The following SHISA9 variants were observed in gnomAD, a reference collection of about 807,000 sequenced individuals.
SHISA9 encodes the protein protein shisa-9.
A neutral mutation model predicts 38.0 loss-of-function variants in SHISA9; 13 were observed. That is an observed-to-expected ratio of 0.34 (90% confidence interval 0.22 to 0.54). The LOEUF (loss-of-function observed/expected upper bound fraction) is 0.54, where lower values mean the gene tolerates loss of function less well. Ranked by LOEUF, SHISA9 falls within the 20% of genes least tolerant of loss-of-function variation. The probability of loss-of-function intolerance (pLI) is 0.91; values close to 1 mark genes in which losing one functional copy is unlikely to be tolerated. For missense variants in SHISA9, 538 were observed against 575.8 expected (o/e 0.93, Z 0.67); for synonymous variants, 275 against 242.0 (o/e 1.14, Z -1.27).
intron 2 of SHISA9, among the ~76,000 whole-genome samples, chr16:12,988,680 C>G (rs1392950868): frequency 6.6e-6 from 1 of 151,936 alleles, no homozygotes; most frequent in African/African-American, 2.4e-5. Context: ...GCCCCCCAAC[C>G]ATGCCCGACT....
At chr16:13,241,446 C>T (rs552476435), downstream of SHISA9, among the ~76,000 whole-genome samples, 2 of 152,064 alleles carry the variant, frequency 1.3e-5, no homozygotes, top group African/African-American at 2.4e-5. Flanking sequence ...GCGGAGGTTG[C>T]GGTGAGCCGA....
At chr16:13,490,209 G>C in the SHISA9 span, among the ~76,000 whole-genome samples, 1 of 152,168 alleles carries the variant, frequency 6.6e-6, no homozygotes, top group Non-Finnish European at 1.5e-5. Flanking sequence ...GCAGTTACGA[G>C]GGCATGGAAG....
chr16:13,435,206 A>G, the SHISA9 span, among the ~76,000 whole-genome samples: 1 of 151,294 alleles, frequency 6.6e-6, no homozygotes, highest in Non-Finnish European at 1.5e-5. Flanking sequence ...CTGAAAGGAT[A>G]GATGTACCCA....
intron 2 of SHISA9, among the ~76,000 whole-genome samples, chr16:12,989,012 G>T (rs993985873): frequency 2.6e-5 from 4 of 152,072 alleles, no homozygotes; most frequent in Non-Finnish European, 1.5e-5. Context: ...GTGTTTTGTA[G>T]ATGGAGCCAC....
the SHISA9 span, among the ~76,000 whole-genome samples, chr16:13,453,734 T>C: frequency 6.2e-4 from 94 of 152,324 alleles, no homozygotes; most frequent in Admixed American, 6.1e-3. Flanking sequence ...CTACTTTGTT[T>C]TATGCCCATT....
chr16:12,986,966 G>A (rs908222495), intron 2 of SHISA9, among the ~76,000 whole-genome samples: 8 of 152,210 alleles, frequency 5.3e-5, no homozygotes, highest in Admixed American at 5.2e-4. Flanking sequence ...TCACACCTGA[G>A]TGAAATGTAG....
At chr16:13,134,271 T>A (rs569033379) in intron 2 of SHISA9, among the ~76,000 whole-genome samples, 7 of 152,260 alleles carry the variant, frequency 4.6e-5, no homozygotes, top group African/African-American at 1.7e-4. Context: ...TAATTTAAAA[T>A]TAAATAAAAT....
rs565967790 is a variant in SHISA9, at chr16:13,205,160, A to G, written c.847+1611A>G. ...GGTCCACCCTGGAGATTTCAATTGA[A>G]CTGGTTGAGGATAAGATTCAGACAT... is the stretch of plus-strand genomic sequence containing the variant. On this transcript the variant is annotated intron_variant, in intron 3 of 4. Transcript: ENST00000558583. Among the ~76,000 whole-genome samples, 4 of 152,244 alleles carry G rather than the reference A, an allele frequency of 2.6e-5. No homozygotes were observed. The South Asian group carries it at 8.3e-4, about 32-fold the overall frequency.
the SHISA9 span, among the ~76,000 whole-genome samples, chr16:13,374,168 C>CTT: frequency 2.1e-4 from 30 of 144,406 alleles, no homozygotes; most frequent in South Asian, 6.0e-3. Flanking sequence ...ATTTTTTTTT[C>CTT]TTTTTTTTTT....
chr16:12,939,711 T>G (rs2071583810), intron 2 of SHISA9, among the ~76,000 whole-genome samples: 1 of 152,192 alleles, frequency 6.6e-6, no homozygotes, highest in African/African-American at 2.4e-5. Flanking sequence ...ATCACCTGCC[T>G]CTCCCTGTCT....
At chr16:13,546,744 A>G in the SHISA9 span, among the ~76,000 whole-genome samples, 3 of 152,178 alleles carry the variant, frequency 2.0e-5, no homozygotes, top group South Asian at 6.2e-4. Context: ...ATTGGCACAA[A>G]ACCATATTCA....
intron 2 of SHISA9, among the ~76,000 whole-genome samples, chr16:13,005,646 C>G (rs551055919): frequency 3.9e-5 from 6 of 152,286 alleles, no homozygotes; most frequent in Middle Eastern, 3.4e-3. Flanking sequence ...TCATCCCTGC[C>G]TCTATCACTC....
the SHISA9 span, among the ~76,000 whole-genome samples, chr16:13,390,607 G>T: frequency 1.5e-4 from 23 of 152,316 alleles, no homozygotes; most frequent in Admixed American, 1.2e-3. Context: ...GCTTAGGCTT[G>T]AAATCACCTC....
intron 2 of SHISA9, among the ~76,000 whole-genome samples, chr16:13,038,064 C>T (rs551152459): frequency 5.3e-5 from 8 of 152,196 alleles, no homozygotes; most frequent in Non-Finnish European, 1.0e-4. Flanking sequence ...GATCTCGGCT[C>T]ACTGCACCTC....
intron 2 of SHISA9, among the ~76,000 whole-genome samples, chr16:13,162,138 T>C (rs2050600422): frequency 1.3e-5 from 2 of 152,146 alleles, no homozygotes; most frequent in South Asian, 2.1e-4. Flanking sequence ...GTAGGTAATG[T>C]AAGACTTAGT....
chr16:13,261,881 C>T, the SHISA9 span, among the ~76,000 whole-genome samples: 1 of 152,100 alleles, frequency 6.6e-6, no homozygotes, highest in Non-Finnish European at 1.5e-5. Flanking sequence ...ATATGAGTAT[C>T]CTCAGGAGTC....
chr16:13,490,014 T>C, the SHISA9 span, among the ~76,000 whole-genome samples: 1 of 151,996 alleles, frequency 6.6e-6, no homozygotes, highest in African/African-American at 2.4e-5. Flanking sequence ...TCAAATGAAA[T>C]TGGCAATATT....
chr16:13,477,004 C>A, the SHISA9 span, among the ~76,000 whole-genome samples: 1 of 152,168 alleles, frequency 6.6e-6, no homozygotes, highest in Middle Eastern at 3.4e-3. Context: ...CCTCGGCCTC[C>A]CAAACTTGGG....
At chr16:13,496,598 C>A in the SHISA9 span, among the ~76,000 whole-genome samples, 1 of 151,936 alleles carries the variant, frequency 6.6e-6, no homozygotes, top group Non-Finnish European at 1.5e-5. Flanking sequence ...TTCATCACTG[C>A]TTCCATAAGA....
Sources: gnomAD v4.1 joint callset for allele counts (sites outside exome capture counted in the v4.1 genomes callset) on GRCh38, gnomAD v4.1.1 for gene constraint, MANE v1.5 for transcripts, NCBI Gene and HGNC (gene_info 2026-07-23, HGNC 2026-07-21) for gene names.